FNDC3A: variants seen among roughly 807,000 people sequenced by gnomAD.
FNDC3A encodes fibronectin type III domain containing 3A.
Under a neutral mutation model 148.9 loss-of-function variants are expected in FNDC3A, and 32 were observed. The observed-to-expected ratio is 0.21, with a 90% CI of 0.16 to 0.29. The LOEUF (loss-of-function observed/expected upper bound fraction) is 0.29, where lower values mean the gene tolerates loss of function less well. Ranked by LOEUF, FNDC3A falls within the 10% of genes least tolerant of loss-of-function variation. The pLI is 1.00. For synonymous variants in FNDC3A, 472 were observed against 473.6 expected (o/e 1.00, Z 0.04); for missense variants, 1,191 against 1,452.8 (o/e 0.82, Z 2.93).
chr13:49,198,981 T>G (rs1422966146), intron 23 of FNDC3A, among the ~76,000 whole-genome samples: 1 of 152,142 alleles, frequency 6.6e-6, no homozygotes, highest in Non-Finnish European at 1.5e-5. Context: ...CACCTAATCT[T>G]AGATACAAAA....
intron 3 of FNDC3A, among the ~76,000 whole-genome samples, chr13:49,095,882 G>C (rs1014058409): frequency 5.3e-5 from 8 of 151,988 alleles, no homozygotes; most frequent in Non-Finnish European, 8.8e-5. Context: ...TCATTTACAT[G>C]CTTTTGTACC....
At chr13:48,975,518 A>G (rs575331535), upstream of FNDC3A, 1 of 152,360 alleles carries the variant, frequency 6.6e-6, no homozygotes, top group South Asian at 2.1e-4. Flanking sequence ...AGCACCTGCC[A>G]GCCTTAAGTT....
At chr13:49,066,855 T>G (rs974625232) in intron 2 of FNDC3A, among the ~76,000 whole-genome samples, 2 of 152,164 alleles carry the variant, frequency 1.3e-5, no homozygotes, top group Non-Finnish European at 1.5e-5. Flanking sequence ...CCCTCAAAGC[T>G]TATATTCTTA....
At chr13:49,127,883 T>C (rs1209199719) in intron 4 of FNDC3A, among the ~76,000 whole-genome samples, 1 of 138,220 alleles carries the variant, frequency 7.2e-6, no homozygotes, top group Non-Finnish European at 1.7e-5. Context: ...GTTTCTCTAC[T>C]TTTTTTTTTT....
intron 6 of FNDC3A, 134 bp downstream of exon 6, chr13:49,136,735 T>G: frequency 2.6e-6 from 2 of 780,624 alleles, no homozygotes; most frequent in Non-Finnish European, 3.9e-6. Flanking sequence ...TTTCGACAGT[T>G]TGGAAAGCCT....
chr13:49,152,698 G>T (rs1287229804), intron 8 of FNDC3A, among the ~76,000 whole-genome samples: 1 of 145,774 alleles, frequency 6.9e-6, no homozygotes, highest in Non-Finnish European at 1.5e-5. Context: ...TCCCCAGAGT[G>T]TGATATTCCC....
intron 4 of FNDC3A, among the ~76,000 whole-genome samples, chr13:49,122,513 G>A (rs1419295492): frequency 6.6e-6 from 1 of 152,126 alleles, no homozygotes; most frequent in Non-Finnish European, 1.5e-5. Context: ...TCAGGTAAGA[G>A]AAAGAAATAA....
chr13:49,133,787 A>G (rs1323837819), intron 5 of FNDC3A, among the ~76,000 whole-genome samples: 1 of 152,220 alleles, frequency 6.6e-6, no homozygotes, highest in African/African-American at 2.4e-5. Context: ...TAATTTCTGC[A>G]AGGCCACACT....
At chr13:49,117,664 C>T (rs1209654942) in intron 4 of FNDC3A, among the ~76,000 whole-genome samples, 2 of 152,030 alleles carry the variant, frequency 1.3e-5, no homozygotes, top group Non-Finnish European at 2.9e-5. Flanking sequence ...TTTCTTAATA[C>T]AATATAACTA....
At chr13:49,164,190 T>C (rs1300893449) in intron 8 of FNDC3A, among the ~76,000 whole-genome samples, 2 of 152,222 alleles carry the variant, frequency 1.3e-5, no homozygotes, top group African/African-American at 4.8e-5. Flanking sequence ...CTGTTTTTCT[T>C]TCAGCACTTT....
rs1886754031 is a variant in FNDC3A at position 49,208,477 on chromosome 13, T to C, written c.*1082T>C. ...CCAGTAAACTTCAAGCTGCTTTCTT[T>C]CTTGAAAACTAAACGTTTAACGTAT... On this transcript the variant is annotated 3_prime_UTR_variant, in exon 26 of 26. Transcript: ENST00000492622. 6.5e-6 allele frequency: 1 copy of C among 152,686 alleles called. No homozygotes were observed. The highest frequency in any genetic ancestry group is 1.9e-4 in the East Asian group (1 of 5,204). 9.5% of individuals were successfully genotyped at this position (152,686 alleles called of 1,614,324 possible).
intron 1 of FNDC3A, among the ~76,000 whole-genome samples, chr13:48,992,225 C>T (rs971815019): frequency 2.6e-5 from 4 of 152,208 alleles, no homozygotes; most frequent in Admixed American, 1.3e-4. Context: ...GAGAAAATCT[C>T]TGTGACCTTG....
chr13:49,208,178 G>A lies in FNDC3A; in HGVS notation c.*783G>A, dbSNP rs1401185699. 1 of 152,082 alleles carries A rather than the reference G, an allele frequency of 6.6e-6. No individual in the cohort carries two copies. Among genetic ancestry groups the A allele is most frequent in the Non-Finnish European group, 1.5e-5 (1 of 68,016 alleles). 9.4% of individuals were successfully genotyped at this position (152,082 alleles called of 1,614,324 possible). A position where few individuals can be genotyped will look rare whatever the true frequency, so the allele number is the denominator to read the frequency against. ...AGTAAATTGAATTTCAAACCTATTT[G>A]GCTTCTGTTTTGTGAACCTTTGAAC... is the stretch of plus-strand genomic sequence containing the variant. On this transcript the variant is annotated 3_prime_UTR_variant, in exon 26 of 26. Transcript: ENST00000492622.
intron 1 of FNDC3A, among the ~76,000 whole-genome samples, chr13:48,991,637 A>G (rs1951919354): frequency 6.6e-6 from 1 of 151,970 alleles, no homozygotes; most frequent in African/African-American, 2.4e-5. Flanking sequence ...GCAGTGAGCT[A>G]TGCTCACACC....
chr13:49,006,205 A>G lies in FNDC3A; in HGVS notation c.15A>G (p.Pro5=), dbSNP rs1199885952. 6.2e-7 allele frequency: 1 copy of G among 1,601,934 alleles called. No individual in the cohort carries two copies. The highest frequency in any genetic ancestry group is 1.3e-5 in the African/African-American group (1 of 74,728). The part of the protein sequence containing the change: MAEH[P]PLLDTTQILS... Reference sequence around the variant, plus strand: ...TCTTATTGATAATGGCAGAACATCCACCACTACTGGATACAACTCAGATCT... The same window carrying G: ...TCTTATTGATAATGGCAGAACATCCGCCACTACTGGATACAACTCAGATCT... Residue 5 remains proline, a synonymous_variant, in exon 2 of 26, where the codon CCA becomes CCG. Coordinates refer to ENST00000492622, the MANE Select transcript of FNDC3A (RefSeq NM_001079673.2).
Position 49,188,592 on chromosome 13 carries a change from C to T in FNDC3A, c.1903C>T (p.Arg635Cys), listed in dbSNP as rs202101294. Residue 635 changes from arginine to cysteine, a missense_variant, in exon 17 of 26, where the codon CGT (arginine) becomes TGT (cysteine). Arg to Cys is a radical substitution (Grantham distance 180). Around this residue, in one of 3 missense-constraint regions of FNDC3A, gnomAD observed 751 missense variants for 944.0 expected, o/e 0.80. Coordinates refer to ENST00000492622, the MANE Select transcript of FNDC3A (RefSeq NM_001079673.2). ...TCGACTGAATCCAGGCTGTTTCTAT[C>T]GTTTACGAGTTTACTGCATCAGTGA... ...CDRLNPGCFY[R>C]LRVYCISDGG... is the part of the protein sequence containing the mutation. The T allele has an allele frequency of 6.3e-5, 101 of 1,613,510 alleles. No individual in the cohort carries two copies. The East Asian group carries it at 2.1e-3, about 33-fold the overall frequency.
At chr13:49,085,653 A>G (rs897206184) in intron 3 of FNDC3A, among the ~76,000 whole-genome samples, 6 of 152,168 alleles carry the variant, frequency 3.9e-5, no homozygotes, top group Admixed American at 2.6e-4. Context: ...CACGTATACC[A>G]TTTCTTCCTA....
At chr13:49,159,652 T>C (rs1395088780) in intron 8 of FNDC3A, among the ~76,000 whole-genome samples, 1 of 152,198 alleles carries the variant, frequency 6.6e-6, no homozygotes, top group Non-Finnish European at 1.5e-5. Context: ...CTTCCAACAC[T>C]ATGTTGAATA....
intron 3 of FNDC3A, among the ~76,000 whole-genome samples, chr13:49,081,656 T>C (rs1878479446): frequency 6.6e-6 from 1 of 152,212 alleles, no homozygotes; most frequent in African/African-American, 2.4e-5. Flanking sequence ...ACCTACATCA[T>C]ATATAGTCTC....
Sources: allele counts gnomAD v4.1 joint callset (sites outside exome capture counted in the v4.1 genomes callset), GRCh38; gene constraint gnomAD v4.1.1; regional missense constraint gnomAD v4.1.1; transcripts MANE v1.5; gene names NCBI Gene and HGNC (gene_info 2026-07-23, HGNC 2026-07-21).